Variants in TOX observed in about 807,000 individuals in gnomAD.
TOX encodes thymocyte selection-associated high mobility group box protein TOX.
A neutral mutation model predicts 53.7 loss-of-function variants in TOX; 11 were observed. That is an observed-to-expected ratio of 0.20 (90% CI 0.13 to 0.34). The LOEUF is 0.34. Among genes scored for constraint, TOX ranks in the 10% least tolerant of loss-of-function variants. The pLI, the probability that TOX is intolerant of heterozygous loss-of-function variation, is 1.00. For missense variants in TOX, 570 were observed against 664.6 expected, an observed-to-expected ratio of 0.86 and a Z score of 1.56; for synonymous variants, 225 against 245.3, an observed-to-expected ratio of 0.92 and a Z score of 0.77.
chr8:58,943,615 TAAA>T (rs752767981), intron 2 of TOX, among the ~76,000 whole-genome samples: 19 of 130,906 alleles, frequency 1.5e-4, no homozygotes, highest in South Asian at 2.4e-4. Flanking sequence ...TTTTTTTTTC[TAAA>T]AAAAAAAAAA....
intron 6 of TOX, among the ~76,000 whole-genome samples, chr8:58,817,370 C>A (rs1440705451): frequency 6.6e-6 from 1 of 151,392 alleles, no homozygotes; most frequent in African/African-American, 2.4e-5. Flanking sequence ...AAATGTAGCT[C>A]CTAAGAGGTG....
At chr8:58,977,739 T>C (rs2129180288) in intron 1 of TOX, among the ~76,000 whole-genome samples, 1 of 152,160 alleles carries the variant, frequency 6.6e-6, no homozygotes, top group Admixed American at 6.6e-5. Flanking sequence ...GGGGGAAAAA[T>C]AGGAGAGCGG....
intron 1 of TOX, among the ~76,000 whole-genome samples, chr8:58,983,505 G>C (rs1446698935): frequency 6.6e-6 from 1 of 152,188 alleles, no homozygotes; most frequent in Admixed American, 6.5e-5. Context: ...TGACCTTCAA[G>C]TTCTTCATAT....
intron 2 of TOX, among the ~76,000 whole-genome samples, chr8:58,943,343 G>A (rs114124675): frequency 0.017 from 2,639 of 152,224 alleles, 67 homozygotes; most frequent in African/African-American, 0.059. Flanking sequence ...ACCACAAGAA[G>A]GTATATGAGT....
chr8:58,963,314 T>TATAGATAGATAG (rs1554533755), intron 1 of TOX, among the ~76,000 whole-genome samples: 2,093 of 130,732 alleles, frequency 0.016, 26 homozygotes, highest in Middle Eastern at 0.027. Context: ...TAGATATATA[T>TATAGATAGATAG]ATAGATAGAT....
At chr8:58,992,026 T>A (rs1813461994) in intron 1 of TOX, 1 of 152,204 alleles carries the variant, frequency 6.6e-6, no homozygotes, top group Admixed American at 6.5e-5. Flanking sequence ...CAGTGCTAGG[T>A]CTGCGCAAAG....
intron 1 of TOX, among the ~76,000 whole-genome samples, chr8:59,047,361 C>T (rs553674407): frequency 2.1e-4 from 31 of 151,166 alleles, no homozygotes; most frequent in Admixed American, 1.4e-3. Flanking sequence ...GGACTACAGG[C>T]GCCCGCCACC....
intron 1 of TOX, among the ~76,000 whole-genome samples, chr8:59,101,319 T>G (rs1446081124): frequency 4.6e-5 from 7 of 152,204 alleles, no homozygotes; most frequent in Admixed American, 3.9e-4. Flanking sequence ...TGGCACAAAA[T>G]AACCATTCGG....
At chr8:58,984,962 T>C (rs1159357386) in intron 1 of TOX, among the ~76,000 whole-genome samples, 4 of 151,280 alleles carry the variant, frequency 2.6e-5, no homozygotes, top group Non-Finnish European at 4.4e-5. Context: ...TAATTTAACC[T>C]CTGGGTATAT....
At chr8:58,984,782 CAAAAAAAA>C (rs11364474) in intron 1 of TOX, among the ~76,000 whole-genome samples, 1 of 77,402 alleles carries the variant, frequency 1.3e-5, no homozygotes, top group East Asian at 3.9e-4. Context: ...GACTCCGTCT[CAAAAAAAA>C]AAAAAAAAAA....
Position 59,118,577 on chromosome 8 carries a change from C to A in TOX, c.102+309G>T, listed in dbSNP as rs190196688. Among the ~76,000 whole-genome samples the A allele has an allele frequency of 2.4e-4, 36 of 152,310 alleles. No individual in the cohort carries two copies. The highest frequency in any genetic ancestry group is 8.4e-4 in the African/African-American group (35 of 41,562). ...CCAGACACACCCCCAAAGTATTCCA[C>A]GGTTTTCTCTTATTATTTTTTTAAA... On this transcript the variant is annotated intron_variant, in intron 1 of 8. Transcript: ENST00000361421. This position sits in a 1 kb window ranked among gnomAD's most constrained non-coding sequence, Gnocchi z 4.1.
At chr8:59,101,742 A>G (rs1224916569) in intron 1 of TOX, among the ~76,000 whole-genome samples, 1 of 152,214 alleles carries the variant, frequency 6.6e-6, no homozygotes. Flanking sequence ...AACTTCCAAA[A>G]CCAGATTAAG....
At chr8:58,831,122 T>C (rs1018352486) in intron 5 of TOX, among the ~76,000 whole-genome samples, 1 of 152,170 alleles carries the variant, frequency 6.6e-6, no homozygotes, top group Non-Finnish European at 1.5e-5. Flanking sequence ...CATCTTGCTA[T>C]GGATTCCTTT....
chr8:58,998,534 T>TATATATATAAA (rs1554537351), intron 1 of TOX, among the ~76,000 whole-genome samples: 5 of 18,342 alleles, frequency 2.7e-4, no homozygotes, highest in African/African-American at 6.7e-4. Context: ...TATATATATA[T>TATATATATAAA]ATATAAATTT....
At chr8:58,960,035 C>G (rs760249131) in intron 1 of TOX, 27 bp from the exon 2 acceptor site, 2 of 1,612,998 alleles carry the variant, frequency 1.2e-6, no homozygotes. Context: ...AGTAAACATT[C>G]AGCAATCTTG....
intron 3 of TOX, among the ~76,000 whole-genome samples, chr8:58,926,659 A>C (rs865858356): frequency 3.6e-4 from 55 of 152,350 alleles, no homozygotes; most frequent in African/African-American, 1.3e-3. Flanking sequence ...TATTTATAAA[A>C]TGATTTAAAT....
intron 1 of TOX, among the ~76,000 whole-genome samples, chr8:59,027,521 TTC>T (rs1246121840): frequency 6.6e-6 from 1 of 152,170 alleles, no homozygotes; most frequent in East Asian, 1.9e-4. Context: ...AAACCAGTCT[TTC>T]TGTTTGACAG....
At position 58,851,837 on chromosome 8, in the gene TOX, A is replaced by G; in HGVS notation, c.412-32T>C. The G allele has an allele frequency of 7.8e-7, 1 of 1,282,010 alleles. No homozygotes were observed. The highest frequency in any genetic ancestry group is 1.0e-6 in the Non-Finnish European group (1 of 1,004,836). The allele number at this position is 1,282,010 out of a possible 1,614,324, so 79.4% of individuals were successfully genotyped here. A position where few individuals can be genotyped will look rare whatever the true frequency, so the allele number is the denominator to read the frequency against. On this transcript the variant is annotated intron_variant, in intron 3 of 8. Coordinates refer to ENST00000361421, the MANE Select transcript of TOX (RefSeq NM_014729.3). The surrounding 1 kb of genome is among the most constrained non-coding windows in gnomAD (Gnocchi z 4.4). ...TAAATAAATAAATAAATAAATAAAT[A>G]AATAAATAAATAGGAAAGGAGTAAT...
chr8:58,911,575 G>A (rs962980662), intron 3 of TOX, among the ~76,000 whole-genome samples: 2 of 152,124 alleles, frequency 1.3e-5, no homozygotes, highest in African/African-American at 4.8e-5. Flanking sequence ...TTGATAGTTA[G>A]GTGTTGTTCA....
Sources: allele counts gnomAD v4.1 joint callset (sites outside exome capture counted in the v4.1 genomes callset), GRCh38; gene constraint gnomAD v4.1.1; non-coding constraint Gnocchi (gnomAD v3.1); transcripts MANE v1.5; gene names NCBI Gene and HGNC (gene_info 2026-07-23, HGNC 2026-07-21).